Variants in ACAP2 observed in about 807,000 individuals in gnomAD.
The protein encoded by ACAP2 is arf-GAP with coiled-coil, ANK repeat and PH domain-containing protein 2.
In ACAP2, 39 loss-of-function variants were observed where a neutral mutation model predicts 115.8. That is an observed-to-expected ratio of 0.34 (90% CI 0.26 to 0.44). ACAP2 has a LOEUF of 0.44. Ranked by LOEUF, ACAP2 falls within the 20% of genes least tolerant of loss-of-function variation. The pLI is 1.00. For missense variants in ACAP2, 662 were observed against 927.6 expected, an observed-to-expected ratio of 0.71 and a Z score of 3.72; for synonymous variants, 289 against 315.8, an observed-to-expected ratio of 0.92 and a Z score of 0.90.
At chr3:195,426,718 A>C (rs1714710610) in intron 1 of ACAP2, among the ~76,000 whole-genome samples, 1 of 152,198 alleles carries the variant, frequency 6.6e-6, no homozygotes. Context: ...CATTTATACT[A>C]TTAAATTAAA....
intron 1 of ACAP2, among the ~76,000 whole-genome samples, chr3:195,422,640 A>AT (rs567253787): frequency 1.5e-3 from 231 of 150,094 alleles, no homozygotes; most frequent in African/African-American, 4.8e-3. Context: ...CACCTGGCTA[A>AT]TTTTTTTTTT....
intron 7 of ACAP2, among the ~76,000 whole-genome samples, chr3:195,334,477 C>T (rs964492900): frequency 6.6e-6 from 1 of 151,650 alleles, no homozygotes; most frequent in African/African-American, 2.4e-5. Flanking sequence ...AGGGAAAAAC[C>T]CATGACAAAG....
intron 2 of ACAP2, among the ~76,000 whole-genome samples, chr3:195,384,961 A>G (rs762808265): frequency 1.3e-5 from 2 of 152,320 alleles, no homozygotes; most frequent in South Asian, 4.1e-4. Flanking sequence ...TAGGGTTCTC[A>G]GCTAAGTCTG....
intron 8 of ACAP2, among the ~76,000 whole-genome samples, chr3:195,328,934 G>T (rs540184405): frequency 4.6e-5 from 7 of 152,038 alleles, no homozygotes; most frequent in African/African-American, 1.7e-4. Context: ...AAAACAATTA[G>T]CCGGGCGTGG....
At chr3:195,403,006 C>T (rs146158605) in intron 1 of ACAP2, among the ~76,000 whole-genome samples, 1 of 152,028 alleles carries the variant, frequency 6.6e-6, no homozygotes, top group Non-Finnish European at 1.5e-5. Flanking sequence ...GGATGGTATG[C>T]GATAAGGTGG....
At chr3:195,375,192 A>C (rs1433326365) in intron 4 of ACAP2, among the ~76,000 whole-genome samples, 1 of 152,206 alleles carries the variant, frequency 6.6e-6, no homozygotes, top group East Asian at 1.9e-4. Context: ...ACTGTCTCAA[A>C]AAATAAAAAA....
At chr3:195,364,019 G>A (rs1255737597) in intron 4 of ACAP2, among the ~76,000 whole-genome samples, 1 of 151,976 alleles carries the variant, frequency 6.6e-6, no homozygotes, top group Non-Finnish European at 1.5e-5. Flanking sequence ...AAAACATTGG[G>A]GAAATTCTCC....
At chr3:195,286,827 G>T (rs1023836559) in intron 21 of ACAP2, among the ~76,000 whole-genome samples, 1 of 152,206 alleles carries the variant, frequency 6.6e-6, no homozygotes, top group African/African-American at 2.4e-5. Flanking sequence ...ATTTTTAAGG[G>T]AAGGGTCCAC....
rs374056128 is a variant in ACAP2 at position 195,357,854 on chromosome 3, G to A, written c.286-12537C>T. On this transcript the variant is annotated intron_variant, in intron 4 of 22. Transcript: ENST00000326793. ...GGGGAGGCCTCAGGAAACTTACAAT[G>A]ATGGCAGAAGGCAAAGGGAAAGCAA... 15 of 152,354 alleles carry A rather than the reference G, an allele frequency of 9.8e-5. No homozygotes were observed. In the East Asian group the frequency reaches 1.9e-3, roughly 20 times the overall value. 9.4% of individuals were successfully genotyped at this position (152,354 alleles called of 1,614,324 possible).
chr3:195,295,524 A>G, intron 17 of ACAP2, 184 bp downstream of exon 17: 1 of 691,346 alleles, frequency 1.4e-6, no homozygotes, highest in Non-Finnish European at 2.4e-6. Context: ...GAAAGGTGAA[A>G]TATTATGGCA....
chr3:195,396,247 A>C (rs140700679), intron 1 of ACAP2, among the ~76,000 whole-genome samples: 113 of 151,838 alleles, frequency 7.4e-4, no homozygotes, highest in African/African-American at 2.5e-3. Context: ...GCAAAACTCC[A>C]TCTCAAAAAA....
chr3:195,399,619 C>G (rs1247202737), intron 1 of ACAP2, among the ~76,000 whole-genome samples: 2 of 150,992 alleles, frequency 1.3e-5, no homozygotes, highest in African/African-American at 4.9e-5. Context: ...AAAAAAGTAG[C>G]GAAAAAAAAA....
intron 1 of ACAP2, among the ~76,000 whole-genome samples, chr3:195,409,858 AGAGT>A (rs1429948681): frequency 2.8e-5 from 4 of 144,856 alleles, no homozygotes; most frequent in Non-Finnish European, 4.5e-5. Flanking sequence ...CCTGGGTAAC[AGAGT>A]GAGTGAGACT....
chr3:195,360,000 A>G (rs1006677588), intron 4 of ACAP2, among the ~76,000 whole-genome samples: 5 of 152,218 alleles, frequency 3.3e-5, no homozygotes, highest in African/African-American at 9.6e-5. Flanking sequence ...CAGAAAACAA[A>G]TAACAACATG....
At position 195,327,581 on chromosome 3, in the gene ACAP2, G is replaced by A. The variant is rs935279698; in HGVS notation, c.670-622C>T. Among the ~76,000 whole-genome samples, 20 of 152,012 alleles carry A rather than the reference G, an allele frequency of 1.3e-4. 1 individual carries two copies. Among genetic ancestry groups the A allele is most frequent in the South Asian group, 2.1e-4 (1 of 4,814 alleles). On this transcript the variant is annotated intron_variant, in intron 8 of 22. Coordinates refer to ENST00000326793, the MANE Select transcript of ACAP2 (RefSeq NM_012287.6). ...GAATAGTAATCATTCATAAGACCAAGGTAGGAAATCGGCAATTCTTAAGGC... is the reference window on the plus strand; with the variant it reads ...GAATAGTAATCATTCATAAGACCAAAGTAGGAAATCGGCAATTCTTAAGGC...
intron 1 of ACAP2, among the ~76,000 whole-genome samples, chr3:195,401,343 T>G (rs1250870435): frequency 1.3e-5 from 2 of 152,238 alleles, no homozygotes; most frequent in Non-Finnish European, 2.9e-5. Context: ...ACATGCCACC[T>G]TCATGCATGA....
chr3:195,294,603 AAAAAATTATAT>A (rs1476428796), intron 18 of ACAP2, 105 bp downstream of exon 18: 49 of 78,390 alleles, frequency 6.3e-4, no homozygotes, highest in Admixed American at 1.4e-4. Flanking sequence ...AAAAAAAAAA[AAAAAATTATAT>A]ATATATATAT....
At chr3:195,279,498 T>A in intron 22 of ACAP2, 70 bp from the exon 23 acceptor site, 1 of 960,868 alleles carries the variant, frequency 1.0e-6, no homozygotes, top group South Asian at 2.0e-5. Flanking sequence ...TCATATTTAT[T>A]ACTAGTACTA....
At chr3:195,420,396 T>C (rs527811290) in intron 1 of ACAP2, among the ~76,000 whole-genome samples, 10 of 152,306 alleles carry the variant, frequency 6.6e-5, no homozygotes, top group African/African-American at 2.4e-4. Flanking sequence ...TCTCCCAGGC[T>C]GGAGTGCAGT....
Sources: gnomAD v4.1 joint callset for allele counts (sites outside exome capture counted in the v4.1 genomes callset) on GRCh38, gnomAD v4.1.1 for gene constraint, MANE v1.5 for transcripts, NCBI Gene and HGNC (gene_info 2026-07-23, HGNC 2026-07-21) for gene names.